The following LRRIQ1 variants were observed in gnomAD, a reference collection of about 807,000 sequenced individuals.
LRRIQ1 encodes the protein leucine-rich repeat- and IQ domain-containing protein 1.
In LRRIQ1, 210 loss-of-function variants were observed where a neutral mutation model predicts 211.9. That is an observed-to-expected ratio of 0.99 (90% CI 0.89 to 1.11). The LOEUF is 1.11. LRRIQ1 is among the 50% of genes most tolerant of loss of function. LRRIQ1 has a pLI of 0.00. For synonymous variants in LRRIQ1, 699 were observed against 650.1 expected, an observed-to-expected ratio of 1.08 and a Z score of -1.14; for missense variants, 2,136 against 1,939.5, an observed-to-expected ratio of 1.10 and a Z score of -1.90.
At chr12:85,112,687 A>G (rs1351320932) in intron 15 of LRRIQ1, among the ~76,000 whole-genome samples, 1 of 151,812 alleles carries the variant, frequency 6.6e-6, no homozygotes, top group East Asian at 1.9e-4. Flanking sequence ...GGCATGGGTT[A>G]TTTTAGGGAA....
chr12:85,046,903 C>A (rs1254523108), intron 5 of LRRIQ1, among the ~76,000 whole-genome samples: 1 of 148,276 alleles, frequency 6.7e-6, no homozygotes, highest in Non-Finnish European at 1.5e-5. Flanking sequence ...ATTGCAAGGA[C>A]AAAAAACCAA....
At chr12:85,180,930 G>T (rs989638027) in intron 24 of LRRIQ1, among the ~76,000 whole-genome samples, 4 of 151,648 alleles carry the variant, frequency 2.6e-5, no homozygotes, top group Admixed American at 2.6e-4. Context: ...AATTTTCTCG[G>T]TAATGGTGAA....
chr12:85,160,490 A>G, intron 23 of LRRIQ1, 123 bp from the exon 24 acceptor site: 1 of 525,748 alleles, frequency 1.9e-6, no homozygotes, highest in Non-Finnish European at 3.4e-6. Flanking sequence ...CATCATCATC[A>G]ATTTCATAGA....
chr12:85,258,844 G>GA (rs1161029228), intron 1 of LRRIQ1, among the ~76,000 whole-genome samples: 1 of 151,876 alleles, frequency 6.6e-6, no homozygotes, highest in Non-Finnish European at 1.5e-5. Flanking sequence ...AAAATTCAAT[G>GA]ACATATTACT....
intron 24 of LRRIQ1, among the ~76,000 whole-genome samples, chr12:85,214,681 A>T (rs2137088095): frequency 6.6e-6 from 1 of 152,254 alleles, no homozygotes; most frequent in African/African-American, 2.4e-5. Flanking sequence ...AAAGTTAGTT[A>T]TCTATATTAA....
chr12:85,069,263 C>T (rs1431320108), intron 10 of LRRIQ1, among the ~76,000 whole-genome samples: 5 of 152,010 alleles, frequency 3.3e-5, no homozygotes, highest in Non-Finnish European at 7.4e-5. Context: ...CCACAAAGGA[C>T]ATGAACCCAT....
rs540752568 is a variant in LRRIQ1, at chr12:85,127,797, A to C, written c.4008-35A>C. On this transcript the variant is annotated intron_variant, in intron 17 of 26. Transcript: ENST00000393217. ...TACAACTCTGTATTTACAGATAATAAAAAAAGTGTGTGTTTTTTTTTCTCC... is the reference window on the plus strand; with the variant it reads ...TACAACTCTGTATTTACAGATAATACAAAAAGTGTGTGTTTTTTTTTCTCC... 22 of 1,581,454 alleles carry C rather than the reference A, an allele frequency of 1.4e-5. No homozygotes were observed. The East Asian group carries it at 2.0e-4, about 14-fold the overall frequency.
chr12:85,145,153 T>C (rs1015753981), intron 19 of LRRIQ1, among the ~76,000 whole-genome samples: 1 of 151,614 alleles, frequency 6.6e-6, no homozygotes, highest in Non-Finnish European at 1.5e-5. Flanking sequence ...GCTTACAATA[T>C]GGCAGACACC....
chr12:85,085,900 A>G (rs985724067), intron 11 of LRRIQ1, among the ~76,000 whole-genome samples: 4 of 152,236 alleles, frequency 2.6e-5, no homozygotes, highest in Non-Finnish European at 4.4e-5. Context: ...CAATGAACAT[A>G]CAAGTGCAGA....
chr12:85,155,474 G>A (rs936823116), intron 23 of LRRIQ1, among the ~76,000 whole-genome samples: 1 of 151,416 alleles, frequency 6.6e-6, no homozygotes, highest in Non-Finnish European at 1.5e-5. Context: ...AAATCTGGTA[G>A]TGTAATAAAC....
intron 23 of LRRIQ1, among the ~76,000 whole-genome samples, chr12:85,158,160 G>T (rs1014964520): frequency 6.6e-6 from 1 of 151,464 alleles, no homozygotes; most frequent in African/African-American, 2.4e-5. Context: ...ATCCTTGAGG[G>T]CTGAAACACT....
intron 15 of LRRIQ1, among the ~76,000 whole-genome samples, chr12:85,115,438 A>G (rs1034715524): frequency 6.6e-6 from 1 of 152,186 alleles, no homozygotes; most frequent in African/African-American, 2.4e-5. Context: ...AAATTTCAAG[A>G]TATTGTTATA....
At position 85,124,165 on chromosome 12, in the gene LRRIQ1, G is replaced by T. The variant is rs367637593; in HGVS notation, c.3653G>T (p.Gly1218Val). ...STEYRHAHER[G>V]DVTITKKDES... ...GAATACCGACATGCACACGAACGAG[G>T]GGATGTAACTATCACCAAGAAAGAT... Residue 1218 changes from glycine (G) to valine (V), a missense_variant, in exon 17 of 27, where the codon GGG (glycine) becomes GTG (valine). Physicochemically the swap from Gly to Val is moderately radical, Grantham distance 109. Coordinates refer to ENST00000393217, the MANE Select transcript of LRRIQ1 (RefSeq NM_001079910.2). 6.1e-5 allele frequency: 99 copies of T among 1,613,866 alleles called. No individual in the cohort carries two copies. Among genetic ancestry groups the T allele is most frequent in the Non-Finnish European group, 8.1e-5 (96 of 1,179,992 alleles).
chr12:85,116,443 C>T (rs979359847), intron 15 of LRRIQ1, among the ~76,000 whole-genome samples: 6 of 152,156 alleles, frequency 3.9e-5, no homozygotes, highest in African/African-American at 1.4e-4. Context: ...CGGGCACGGC[C>T]GGGTTCTTAT....
At chr12:85,159,881 TTAC>T (rs1446283726) in intron 23 of LRRIQ1, among the ~76,000 whole-genome samples, 2 of 151,956 alleles carry the variant, frequency 1.3e-5, no homozygotes, top group African/African-American at 2.4e-5. Context: ...ACACCTGAGA[TTAC>T]ATATATTAAT....
intron 19 of LRRIQ1, among the ~76,000 whole-genome samples, chr12:85,146,467 C>T (rs1472704284): frequency 1.3e-5 from 2 of 151,594 alleles, no homozygotes; most frequent in African/African-American, 4.8e-5. Context: ...GATGGCAGGT[C>T]CATTAGTAAG....
rs185946761 is a variant in LRRIQ1, at chr12:85,187,272, T to C, written c.4822+26558T>C. On this transcript the variant is annotated intron_variant, in intron 24 of 26. Transcript: ENST00000393217. ...AGTTTAAAAGCTAGGATCAAGATAA[T>C]GTGGAATCATTTGTTTGTCAGTCAT... 2.2e-3 allele frequency among the ~76,000 whole-genome samples: 332 copies of C among 152,214 alleles called. 2 individuals are homozygous for C. Among genetic ancestry groups the C allele is most frequent in the African/African-American group, 7.8e-3 (325 of 41,532 alleles).
At chr12:85,087,642 G>C (rs1399292885) in intron 11 of LRRIQ1, among the ~76,000 whole-genome samples, 3 of 152,164 alleles carry the variant, frequency 2.0e-5, no homozygotes, top group Non-Finnish European at 2.9e-5. Context: ...CATTCTAACT[G>C]GTGTGAGATA....
intron 18 of LRRIQ1, among the ~76,000 whole-genome samples, chr12:85,129,238 T>C (rs934294704): frequency 6.6e-6 from 1 of 152,186 alleles, no homozygotes; most frequent in Non-Finnish European, 1.5e-5. Flanking sequence ...CAGGAATTGT[T>C]CTAGGCTCGG....
Sources: allele counts gnomAD v4.1 joint callset (sites outside exome capture counted in the v4.1 genomes callset), GRCh38; gene constraint gnomAD v4.1.1; transcripts MANE v1.5; gene names NCBI Gene and HGNC (gene_info 2026-07-23, HGNC 2026-07-21).